The following NPR2 variants were observed in gnomAD, a reference collection of about 807,000 sequenced individuals.
NPR2 encodes natriuretic peptide receptor 2, also known as atrial natriuretic peptide receptor 2.
In NPR2, 49 loss-of-function variants were observed where a neutral mutation model predicts 120.7. That is an observed-to-expected ratio of 0.41 (90% CI 0.32 to 0.52). The LOEUF (loss-of-function observed/expected upper bound fraction) is 0.52, where lower values mean the gene tolerates loss of function less well. Ranked by LOEUF, NPR2 falls within the 20% of genes least tolerant of loss-of-function variation. The pLI, the probability that NPR2 is intolerant of heterozygous loss-of-function variation, is 0.36. For synonymous variants in NPR2, 484 were observed against 519.8 expected (o/e 0.93, Z 0.94); for missense variants, 931 against 1,362.9 (o/e 0.68, Z 4.99).
rs1828189038 is a variant in NPR2 at position 35,802,072 on chromosome 9, CT to C, written c.1632+73del. The C allele has an allele frequency of 6.8e-7, 1 of 1,471,044 alleles. No homozygotes were observed. Among genetic ancestry groups the C allele is most frequent in the Non-Finnish European group, 9.5e-7 (1 of 1,049,400 alleles). 91.1% of individuals were successfully genotyped at this position (1,471,044 alleles called of 1,614,324 possible). ...TCATCCCCATCTGCCACCTCTGCCCCTGAACCTCTGTCCCTCATACCCGACT... is the reference window on the plus strand; with the variant it reads ...TCATCCCCATCTGCCACCTCTGCCCCGAACCTCTGTCCCTCATACCCGACT... On this transcript the variant is annotated intron_variant, in intron 9 of 21. Transcript: ENST00000342694. The surrounding 1 kb of genome is among the most constrained non-coding windows in gnomAD (Gnocchi z 4.2).
At chr9:35,798,163 G>A (rs1018556966) in intron 2 of NPR2, among the ~76,000 whole-genome samples, 2 of 152,194 alleles carry the variant, frequency 1.3e-5, no homozygotes, top group Non-Finnish European at 2.9e-5. Flanking sequence ...GAGAATTAGT[G>A]TTTAAAATGT....
chr9:35,805,560 A>G lies in NPR2; in HGVS notation c.1937A>G (p.Lys646Arg). Residue 646 changes from lysine to arginine, a missense_variant, in exon 13 of 22, where the codon AAG (lysine) becomes AGG (arginine). Coordinates refer to ENST00000342694, the MANE Select transcript of NPR2 (RefSeq NM_003995.4). The surrounding 1 kb of genome is among the most constrained non-coding windows in gnomAD (Gnocchi z 4.9). Reference sequence around the variant, plus strand: ...ATTATTTCATCGCATGGGAGTCTCAAGTCCTCCAACTGTGTGGTGGATAGT... The same window carrying G: ...ATTATTTCATCGCATGGGAGTCTCAGGTCCTCCAACTGTGTGGTGGATAGT... ...NSIISSHGSL[K>R]SSNCVVDSRF... 2 of 1,614,168 alleles carry G rather than the reference A, an allele frequency of 1.2e-6. No homozygotes were observed. Among genetic ancestry groups the G allele is most frequent in the Non-Finnish European group, 1.7e-6 (2 of 1,180,010 alleles).
chr9:35,793,942 C>T lies in NPR2; in HGVS notation c.712C>T (p.Leu238Phe). 1 of 1,614,176 alleles carries T rather than the reference C, an allele frequency of 6.2e-7. No homozygotes were observed. Among genetic ancestry groups the T allele is most frequent in the Non-Finnish European group, 8.5e-7 (1 of 1,180,006 alleles). The change falls in exon 2 of 22, where the codon CTT (leucine) becomes TTT (phenylalanine). Residue 238 changes from leucine (L) to phenylalanine (F), a missense_variant. Physicochemically the swap from Leu to Phe is conservative, Grantham distance 22 (BLOSUM62 0). Transcript: ENST00000342694. ...TCTGGAGATGCTGCATGAGATCCTG[C>T]TTCAGGCCCAGAGGGAGAATCTGAC... ...GPLEMLHEIL[L>F]QAQRENLTNG...
rs1828069615 is a variant in NPR2, at chr9:35,799,666, G to C, written c.922G>C (p.Glu308Gln). ...YREPPNPEYQEFQNRLLIRAR... is the reference protein window; with the variant it reads ...YREPPNPEYQQFQNRLLIRAR... ...AGAACCCCCAAATCCTGAGTATCAG[G>C]AATTCCAGAATCGTCTGCTGATAAG... The change falls in exon 3 of 22, where the codon GAA becomes CAA. Residue 308 changes from glutamate to glutamine, a missense_variant. Transcript: ENST00000342694. 6.2e-7 allele frequency: 1 copy of C among 1,614,066 alleles called. No individual in the cohort carries two copies. Among genetic ancestry groups the C allele is most frequent in the Non-Finnish European group, 8.5e-7 (1 of 1,180,032 alleles).
chr9:35,795,767 A>G (rs1225679070), intron 2 of NPR2, among the ~76,000 whole-genome samples: 1 of 152,218 alleles, frequency 6.6e-6, no homozygotes, highest in Non-Finnish European at 1.5e-5. Context: ...CTTTCTAGGA[A>G]ATGATCCCAG....
Position 35,807,046 on chromosome 9 carries a change from G to T in NPR2, c.2543G>T (p.Arg848Leu), listed in dbSNP as rs368849630. 3 of 1,614,054 alleles carry T rather than the reference G, an allele frequency of 1.9e-6. No individual in the cohort carries two copies. Among genetic ancestry groups the T allele is most frequent in the Non-Finnish European group, 2.5e-6 (3 of 1,179,956 alleles). ...AGTTCAGTGGCAGAGCAGTTAAAAC[G>T]GGGAGAGACTGTACAGGCTGAGGCC... Reference protein sequence around the residue: ...LPHSVAEQLKRGETVQAEAFD... With the variant: ...LPHSVAEQLKLGETVQAEAFD... Residue 848 changes from arginine to leucine, a missense_variant, in exon 17 of 22, where the codon CGG becomes CTG. Physicochemically the swap from Arg to Leu is moderately radical, Grantham distance 102. This residue lies in a region of NPR2 where 184 missense variants were observed against 328.3 expected (regional missense o/e 0.56). Coordinates refer to ENST00000342694, the MANE Select transcript of NPR2 (RefSeq NM_003995.4).
At position 35,800,846 on chromosome 9, in the gene NPR2, G is replaced by A. The variant is rs1828124447; in HGVS notation, c.1351+5G>A. Reference sequence around the variant, plus strand: ...ACGACCCATCCTGTGATAAAAGTGGGTGTGTGCAGGGACTGGGAGCAGCTT... The same window carrying A: ...ACGACCCATCCTGTGATAAAAGTGGATGTGTGCAGGGACTGGGAGCAGCTT... On this transcript the variant is annotated splice_donor_5th_base_variant and intron_variant, in intron 6 of 21. Transcript: ENST00000342694. This position sits in a 1 kb window ranked among gnomAD's most constrained non-coding sequence, Gnocchi z 4.7. 1 of 1,614,052 alleles carries A rather than the reference G, an allele frequency of 6.2e-7. No homozygotes were observed. The highest frequency in any genetic ancestry group is 8.5e-7 in the Non-Finnish European group (1 of 1,180,030).
rs574412422 is a variant in NPR2 at position 35,796,594 on chromosome 9, A to G, written c.873+2491A>G. ...GCTAGAGGAGGGATCTAGTCATCCA[A>G]TAATCAGTTATATCAATTAACTCTC... is the stretch of plus-strand genomic sequence containing the variant. On this transcript the variant is annotated intron_variant, in intron 2 of 21. Transcript: ENST00000342694. 1.3e-5 allele frequency among the ~76,000 whole-genome samples: 2 copies of G among 152,314 alleles called. 1 individual carries two copies. The highest frequency in any genetic ancestry group is 1.3e-4 in the Admixed American group (2 of 15,300).
chr9:35,808,907 C>T lies in NPR2; in HGVS notation c.2986+54C>T. 3.5e-6 allele frequency: 4 copies of T among 1,148,696 alleles called. No individual in the cohort carries two copies. In the South Asian group the frequency reaches 4.9e-5, roughly 14 times the overall value. 71.2% of individuals were successfully genotyped at this position (1,148,696 alleles called of 1,614,324 possible). A position where few individuals can be genotyped will look rare whatever the true frequency, so the allele number is the denominator to read the frequency against. On this transcript the variant is annotated intron_variant, in intron 20 of 21. Transcript: ENST00000342694. This position sits in a 1 kb window ranked among gnomAD's most constrained non-coding sequence, Gnocchi z 4.0. Reference sequence around the variant, plus strand: ...TGGCCTCAATTTATCTTGCCCTTTTCTTCTTTTCATAATCCCTCCAATTTC... The same window carrying T: ...TGGCCTCAATTTATCTTGCCCTTTTTTTCTTTTCATAATCCCTCCAATTTC...
At chr9:35,793,840 T>A (rs1260010309) in intron 1 of NPR2, 58 bp from the exon 2 acceptor site, 35 of 1,531,410 alleles carry the variant, frequency 2.3e-5, no homozygotes, top group South Asian at 1.7e-4. Context: ...GAGAGGGGGC[T>A]GTGTGGGGGA....
At chr9:35,803,966 C>G (rs938261692) in intron 12 of NPR2, among the ~76,000 whole-genome samples, 2 of 152,238 alleles carry the variant, frequency 1.3e-5, no homozygotes, top group South Asian at 2.1e-4. Flanking sequence ...AAGCCAGAAG[C>G]CTAATCCTGT....
rs760234431 is a variant in NPR2 at position 35,806,217 on chromosome 9, A to T, written c.2356A>T (p.Ile786Phe). 2 of 1,614,220 alleles carry T rather than the reference A, an allele frequency of 1.2e-6. No individual in the cohort carries two copies. The highest frequency in any genetic ancestry group is 8.5e-7 in the Non-Finnish European group (1 of 1,180,040). The change falls in exon 15 of 22, where the codon ATT becomes TTT. Residue 786 changes from isoleucine (I) to phenylalanine (F), a missense_variant. Coordinates refer to ENST00000342694, the MANE Select transcript of NPR2 (RefSeq NM_003995.4). The surrounding 1 kb of genome is among the most constrained non-coding windows in gnomAD (Gnocchi z 4.6). ...RPDFGQIKGF[I>F]RRFNKEGGTS... ...AGACTTTGGACAGATTAAGGGCTTC[A>T]TTCGGCGCTTTAACAAGTGAGAGGG...
At position 35,792,856 on chromosome 9, in the gene NPR2, G is replaced by A. The variant is rs2132066800; in HGVS notation, c.448G>A (p.Gly150Ser). The change falls in exon 1 of 22, where the codon GGT (glycine) becomes AGT (serine). Residue 150 changes from glycine (G) to serine (S), a missense_variant. Gly to Ser is a moderately conservative substitution (Grantham distance 56, BLOSUM62 0). Around this residue, in one of 3 missense-constraint regions of NPR2, gnomAD observed 681 missense variants for 974.3 expected, o/e 0.70. Coordinates refer to ENST00000342694, the MANE Select transcript of NPR2 (RefSeq NM_003995.4). The stretch of plus-strand genomic sequence containing the variant: ...CACTGGCCCCTCTGCTCCCAAGCTG[G>A]GTGAGTTTGTGGTGACACTACACGG... ...VRTGPSAPKLGEFVVTLHGHF... is the reference protein window; with the variant it reads ...VRTGPSAPKLSEFVVTLHGHF... 1 of 1,614,182 alleles carries A rather than the reference G, an allele frequency of 6.2e-7. No homozygotes were observed.
rs1477564911 is a variant in NPR2 at position 35,809,550 on chromosome 9, GA to G, written c.*109del. Reference sequence around the variant, plus strand: ...GAAATGGACATTTTCATATGCAATGGAAAACAGCCACAAAAAAACCTACCTT... The same window carrying G: ...GAAATGGACATTTTCATATGCAATGGAAACAGCCACAAAAAAACCTACCTT... On this transcript the variant is annotated 3_prime_UTR_variant, in exon 22 of 22. Transcript: ENST00000342694. The surrounding 1 kb of genome is among the most constrained non-coding windows in gnomAD (Gnocchi z 4.1). 1 of 1,588,180 alleles carries G rather than the reference GA, an allele frequency of 6.3e-7. No homozygotes were observed. Among genetic ancestry groups the G allele is most frequent in the Non-Finnish European group, 8.6e-7 (1 of 1,157,118 alleles).
chr9:35,800,754 G>A lies in NPR2; in HGVS notation c.1264G>A (p.Gly422Arg), dbSNP rs1287850400. 1 of 1,614,140 alleles carries A rather than the reference G, an allele frequency of 6.2e-7. No individual in the cohort carries two copies. ...AGCTGAGAAGCAGATTTGGTGGACG[G>A]GACGGCCTATTCCCTGGGTGAAGGG... ...SGAEKQIWWTGRPIPWVKGAP... is the reference protein window; with the variant it reads ...SGAEKQIWWTRRPIPWVKGAP... The change falls in exon 6 of 22, where the codon GGA becomes AGA. Residue 422 changes from glycine to arginine, a missense_variant. Physicochemically the swap from Gly to Arg is moderately radical, Grantham distance 125. Coordinates refer to ENST00000342694, the MANE Select transcript of NPR2 (RefSeq NM_003995.4). The surrounding 1 kb of genome is among the most constrained non-coding windows in gnomAD (Gnocchi z 4.7).
In NPR2 at chr9:35,802,152, G is replaced by T; in HGVS notation, c.1633-54G>T. ...TTCCACTGCTCTCTAGCATTTCCTTGTACCCAGAACTTCTGATATTCACTT... is the reference window on the plus strand; with the variant it reads ...TTCCACTGCTCTCTAGCATTTCCTTTTACCCAGAACTTCTGATATTCACTT... On this transcript the variant is annotated intron_variant, in intron 9 of 21. Transcript: ENST00000342694. This position sits in a 1 kb window ranked among gnomAD's most constrained non-coding sequence, Gnocchi z 4.2. 5 of 1,356,476 alleles carry T rather than the reference G, an allele frequency of 3.7e-6. 1 individual carries two copies. In the Admixed American group the frequency reaches 8.4e-5, roughly 23 times the overall value. 84.0% of individuals were successfully genotyped at this position (1,356,476 alleles called of 1,614,324 possible).
At chr9:35,795,679 A>G (rs1827925444) in intron 2 of NPR2, among the ~76,000 whole-genome samples, 1 of 152,186 alleles carries the variant, frequency 6.6e-6, no homozygotes, top group Non-Finnish European at 1.5e-5. Flanking sequence ...TTATGCCATA[A>G]TGTTTTCCTA....
chr9:35,807,493 A>G, intron 18 of NPR2, 95 bp downstream of exon 18: 1 of 995,122 alleles, frequency 1.0e-6, no homozygotes, highest in Non-Finnish European at 1.6e-6. Flanking sequence ...TACCCACCCC[A>G]TGATCAGTTT....
chr9:35,808,436 C>T lies in NPR2; in HGVS notation c.2713-73C>T, dbSNP rs1023175671. On this transcript the variant is annotated intron_variant, in intron 18 of 21. Transcript: ENST00000342694. This position sits in a 1 kb window ranked among gnomAD's most constrained non-coding sequence, Gnocchi z 4.0. ...CAGGATGATTAATGATGGTGTCAAG[C>T]TTGTCTCCCTCTACTTTTTCCCATC... 39 of 1,519,096 alleles carry T rather than the reference C, an allele frequency of 2.6e-5. No individual in the cohort carries two copies. Among genetic ancestry groups the T allele is most frequent in the Middle Eastern group, 3.4e-4 (2 of 5,900 alleles). 94.1% of individuals were successfully genotyped at this position (1,519,096 alleles called of 1,614,324 possible).
Sources: allele counts gnomAD v4.1 joint callset (sites outside exome capture counted in the v4.1 genomes callset), GRCh38; gene constraint gnomAD v4.1.1; regional missense constraint gnomAD v4.1.1; non-coding constraint Gnocchi (gnomAD v3.1); transcripts MANE v1.5; gene names NCBI Gene and HGNC (gene_info 2026-07-23, HGNC 2026-07-21).